The following CEP15 variants were observed in gnomAD, a reference collection of about 807,000 sequenced individuals.
CEP15 encodes the protein centrosomal protein 15 kDa.
chr3:62,333,987 G>C, the CEP15 span: 8 of 152,086 alleles, frequency 5.3e-5, no homozygotes, highest in Non-Finnish European at 1.2e-4. This position sits in a 1 kb window ranked among gnomAD's most constrained non-coding sequence, Gnocchi z 4.0. Flanking sequence ...GTTTCAGGAA[G>C]ACTCAGACTT....
the CEP15 span, among the ~76,000 whole-genome samples, chr3:62,326,504 A>G: frequency 6.6e-6 from 1 of 152,190 alleles, no homozygotes; most frequent in Non-Finnish European, 1.5e-5. Flanking sequence ...TGGGAAGAGA[A>G]AGAGATCTCA....
the CEP15 span, among the ~76,000 whole-genome samples, chr3:62,327,522 ATTGT>A: frequency 3.4e-5 from 4 of 116,166 alleles, no homozygotes; most frequent in African/African-American, 7.4e-5. Context: ...ATTCAGGTTC[ATTGT>A]TTGGGGGAAG....
At chr3:62,336,081 G>A in the CEP15 span, 1 of 152,056 alleles carries the variant, frequency 6.6e-6, no homozygotes, top group African/African-American at 2.4e-5. This position sits in a 1 kb window ranked among gnomAD's most constrained non-coding sequence, Gnocchi z 4.4. Context: ...TCAGCTTAAG[G>A]TTTAGATGAA....
the CEP15 span, chr3:62,333,800 T>C: frequency 6.5e-6 from 1 of 152,676 alleles, no homozygotes; most frequent in Non-Finnish European, 1.5e-5. This position sits in a 1 kb window ranked among gnomAD's most constrained non-coding sequence, Gnocchi z 4.0. Flanking sequence ...TTCTTTTTTT[T>C]TTTTAAACCA....
At chr3:62,325,074 A>T in the CEP15 span, among the ~76,000 whole-genome samples, 1 of 152,232 alleles carries the variant, frequency 6.6e-6, no homozygotes, top group Non-Finnish European at 1.5e-5. Flanking sequence ...AGTTCACATT[A>T]GCAATAAAAT....
the CEP15 span, chr3:62,320,331 T>C: frequency 4.3e-5 from 26 of 605,076 alleles, no homozygotes; most frequent in Non-Finnish European, 7.3e-5. Context: ...ATTTTATACA[T>C]TATTACATCT....
chr3:62,330,375 G>A, the CEP15 span, among the ~76,000 whole-genome samples: 17 of 152,154 alleles, frequency 1.1e-4, no homozygotes, highest in African/African-American at 3.9e-4. Flanking sequence ...AAATTTATAT[G>A]GCCTGTGACC....
At chr3:62,319,360 C>T in the CEP15 span, 1 of 152,316 alleles carries the variant, frequency 6.6e-6, no homozygotes, top group African/African-American at 2.4e-5. Flanking sequence ...TAATTGGCCT[C>T]GTTGCAAAAG....
At chr3:62,335,515 T>C in the CEP15 span, 1 of 151,896 alleles carries the variant, frequency 6.6e-6, no homozygotes, top group East Asian at 1.9e-4. Flanking sequence ...ATGGGCTTTA[T>C]GTTCCTCATG....
At chr3:62,331,665 A>C in the CEP15 span, among the ~76,000 whole-genome samples, 1 of 152,160 alleles carries the variant, frequency 6.6e-6, no homozygotes, top group Non-Finnish European at 1.5e-5. Flanking sequence ...AGAAACAACT[A>C]TCCTGTTAAA....
chr3:62,326,041 G>T, the CEP15 span, among the ~76,000 whole-genome samples: 1 of 146,032 alleles, frequency 6.8e-6, no homozygotes, highest in Non-Finnish European at 1.5e-5. Flanking sequence ...AAAAAAAAAA[G>T]GCAATTCTGT....
chr3:62,335,658 C>A, the CEP15 span: 1 of 152,126 alleles, frequency 6.6e-6, no homozygotes. Context: ...CTATTCATAC[C>A]TTTCTCTCCA....
At chr3:62,333,715 G>C in the CEP15 span, 1 of 169,586 alleles carries the variant, frequency 5.9e-6, no homozygotes, top group Admixed American at 6.3e-5. This position sits in a 1 kb window ranked among gnomAD's most constrained non-coding sequence, Gnocchi z 4.0. Context: ...CTCTAAGCAG[G>C]TATCTTGGTT....
At chr3:62,335,645 C>CATCT in the CEP15 span, 1 of 152,058 alleles carries the variant, frequency 6.6e-6, no homozygotes, top group Non-Finnish European at 1.5e-5. Flanking sequence ...AAGGAAATGT[C>CATCT]ATCTATTCAT....
chr3:62,323,279 G>T, the CEP15 span, among the ~76,000 whole-genome samples: 1 of 152,108 alleles, frequency 6.6e-6, no homozygotes, highest in Non-Finnish European at 1.5e-5. Context: ...ATGGAGTCAG[G>T]ACTACAGAAA....
the CEP15 span, chr3:62,335,151 A>G: frequency 6.6e-6 from 1 of 152,170 alleles, no homozygotes; most frequent in Non-Finnish European, 1.5e-5. Flanking sequence ...TGTAAATTAA[A>G]TCACCAGTGG....
chr3:62,333,901 C>G, the CEP15 span: 1 of 151,966 alleles, frequency 6.6e-6, no homozygotes, highest in African/African-American at 2.4e-5. The surrounding 1 kb of genome is among the most constrained non-coding windows in gnomAD (Gnocchi z 4.0). Context: ...AGGATTTTGT[C>G]CCTCACAGAT....
the CEP15 span, chr3:62,333,543 CAT>C: frequency 1.0e-5 from 8 of 787,038 alleles, no homozygotes; most frequent in East Asian, 5.9e-5. This position sits in a 1 kb window ranked among gnomAD's most constrained non-coding sequence, Gnocchi z 4.0. Context: ...TGGCAAGTCA[CAT>C]GTTATCACCT....
At chr3:62,319,996 G>T in the CEP15 span, among the ~76,000 whole-genome samples, 4 of 152,246 alleles carry the variant, frequency 2.6e-5, no homozygotes, top group Non-Finnish European at 5.9e-5. Flanking sequence ...AGAGATGGTA[G>T]AACTGGGCAC....
Sources: allele counts gnomAD v4.1 joint callset (sites outside exome capture counted in the v4.1 genomes callset), GRCh38; gene constraint gnomAD v4.1.1; non-coding constraint Gnocchi (gnomAD v3.1); transcripts MANE v1.5; gene names NCBI Gene and HGNC (gene_info 2026-07-23, HGNC 2026-07-21).